PRPSAP1: variants seen among roughly 807,000 people sequenced by gnomAD.
PRPSAP1 encodes phosphoribosyl pyrophosphate synthetase associated protein 1, also known as phosphoribosyl pyrophosphate synthase-associated protein 1.
A neutral mutation model predicts 39.4 loss-of-function variants in PRPSAP1; 31 were observed. The observed-to-expected ratio is 0.79, with a 90% confidence interval of 0.59 to 1.06. The LOEUF (loss-of-function observed/expected upper bound fraction) is 1.06, where lower values mean the gene tolerates loss of function less well. Ranked by LOEUF, PRPSAP1 falls within the 50% of genes least tolerant of loss-of-function variation. The pLI, the probability that PRPSAP1 is intolerant of heterozygous loss-of-function variation, is 0.00. For synonymous variants in PRPSAP1, 212 were observed against 192.6 expected, an observed-to-expected ratio of 1.10 and a Z score of -0.83; for missense variants, 430 against 511.6, an observed-to-expected ratio of 0.84 and a Z score of 1.54.
rs115375268 is a variant in PRPSAP1 at position 76,313,471 on chromosome 17, C to T, written c.852+350G>A. ...GCAGAACGAGTCTGCACGGGGACAC[C>T]CATTCTTACTTGTGAAAACGGAACA... On this transcript the variant is annotated intron_variant, in intron 8 of 9. Coordinates refer to ENST00000446526, the MANE Select transcript of PRPSAP1 (RefSeq NM_002766.3). 3.3e-3 allele frequency: 979 copies of T among 296,036 alleles called. 9 individuals carry two copies. Among genetic ancestry groups the T allele is most frequent in the African/African-American group, 0.02 (914 of 46,524 alleles). The allele number at this position is 296,036 out of a possible 1,614,324, so 18.3% of individuals were successfully genotyped here.
At chr17:76,315,562 C>T (rs867036110) in intron 7 of PRPSAP1, among the ~76,000 whole-genome samples, 40 of 151,728 alleles carry the variant, frequency 2.6e-4, no homozygotes, top group African/African-American at 9.7e-4. Flanking sequence ...TGAATTTGGG[C>T]AAGACAAGAA....
intron 7 of PRPSAP1, among the ~76,000 whole-genome samples, chr17:76,320,297 A>AG (rs1379836447): frequency 0.28 from 33,464 of 117,512 alleles, 5,812 homozygotes; most frequent in African/African-American, 0.46. Context: ...AAAGAAAGAA[A>AG]GAAAAGAAAG....
chr17:76,348,581 C>T lies in PRPSAP1; in HGVS notation c.171G>A (p.Glu57=), dbSNP rs1391715199. ...ACTELAKRIT[E]RLGAELGKSV... is the part of the protein sequence containing the mutation. ...ACTTCCCCAATTCAGCACCAAGGCG[C>T]CTATAGATCAAAAAGAACAAAAAAG... The change falls in exon 2 of 10, where the codon GAG becomes GAA. Residue 57 remains glutamate (E), a splice_region_variant and synonymous_variant. Transcript: ENST00000446526. 1.3e-6 allele frequency: 2 copies of T among 1,529,620 alleles called. No homozygotes were observed. Among genetic ancestry groups the T allele is most frequent in the Non-Finnish European group, 1.7e-6 (2 of 1,150,496 alleles). The allele number at this position is 1,529,620 out of a possible 1,614,324, so 94.8% of individuals were successfully genotyped here. A position where few individuals can be genotyped will look rare whatever the true frequency, so the allele number is the denominator to read the frequency against.
intron 2 of PRPSAP1, chr17:76,345,814 C>T (rs1177494061): frequency 9.2e-5 from 33 of 356,820 alleles, no homozygotes; most frequent in Non-Finnish European, 1.0e-4. Flanking sequence ...CCAGTGCCTA[C>T]GTCCGGCTGC....
In PRPSAP1 at chr17:76,353,624, G is replaced by C. The variant is rs965558275; in HGVS notation, c.80C>G (p.Pro27Arg). The change falls in exon 1 of 10, where the codon CCG (proline) becomes CGG (arginine). Residue 27 changes from proline to arginine, a missense_variant. This residue lies in a region of PRPSAP1 where 152 missense variants were observed against 135.2 expected (regional missense o/e 1.12). Coordinates refer to ENST00000446526, the MANE Select transcript of PRPSAP1 (RefSeq NM_002766.3). ...GGTGCGAGCGGCGTTCATGGCCGGC[G>C]GGGGAACGGGGCGGGCGCGCGGGAC... ...FRVPRARPVP[P>R]PAMNAARTGY... 3 of 1,549,186 alleles carry C rather than the reference G, an allele frequency of 1.9e-6. No homozygotes were observed. The African/African-American group carries it at 4.2e-5, about 22-fold the overall frequency.
chr17:76,337,086 T>G (rs1379978658), intron 3 of PRPSAP1, among the ~76,000 whole-genome samples: 1 of 152,184 alleles, frequency 6.6e-6, no homozygotes, highest in Non-Finnish European at 1.5e-5. Flanking sequence ...CAACTACTTT[T>G]CTTTCTTTTT....
intron 2 of PRPSAP1, among the ~76,000 whole-genome samples, chr17:76,345,090 C>T (rs2071481801): frequency 6.6e-6 from 1 of 151,892 alleles, no homozygotes; most frequent in African/African-American, 2.4e-5. Context: ...AAAAAATTAG[C>T]CGGGCGTGGT....
rs74732518 is a variant in PRPSAP1 at position 76,331,528 on chromosome 17, G to A, written c.463+735C>T. On this transcript the variant is annotated intron_variant, in intron 4 of 9. Transcript: ENST00000446526. ...TTATATAGTGTTTATATGGTATTAGGTATTTATAAATAATCTACAGATGAC... is the reference window on the plus strand; with the variant it reads ...TTATATAGTGTTTATATGGTATTAGATATTTATAAATAATCTACAGATGAC... Among the ~76,000 whole-genome samples, 1,041 of 152,186 alleles carry A rather than the reference G, an allele frequency of 6.8e-3. 18 individuals are homozygous for A. The highest frequency in any genetic ancestry group is 0.024 in the African/African-American group (977 of 41,506).
chr17:76,352,064 A>G (rs2071580898), intron 1 of PRPSAP1, among the ~76,000 whole-genome samples: 1 of 151,816 alleles, frequency 6.6e-6, no homozygotes, highest in African/African-American at 2.4e-5. Context: ...AACTCCAACT[A>G]TTAAAAAAAA....
intron 8 of PRPSAP1, 28 bp from the exon 9 acceptor site, chr17:76,313,044 G>A (rs1318045811): frequency 1.2e-6 from 2 of 1,609,698 alleles, no homozygotes; most frequent in African/African-American, 2.7e-5. Context: ...TGAGTTGGTA[G>A]GAAAGAAACA....
rs764851379 is a variant in PRPSAP1 at position 76,330,609 on chromosome 17, C to A, written c.521G>T (p.Ser174Ile). ...GGCTCTAAGGTTGTCCACAGGAAAG[C>A]TGAAAAAGCCTTGTATTTCCTTTTG... Reference protein sequence around the residue: ...LHQKEIQGFFSFPVDNLRASP... With the variant: ...LHQKEIQGFFIFPVDNLRASP... The change falls in exon 5 of 10, where the codon AGC becomes ATC. Residue 174 changes from serine to isoleucine, a missense_variant. This residue lies in a region of PRPSAP1 where 278 missense variants were observed against 376.3 expected (regional missense o/e 0.74). Coordinates refer to ENST00000446526, the MANE Select transcript of PRPSAP1 (RefSeq NM_002766.3). The A allele has an allele frequency of 1.9e-6, 3 of 1,613,224 alleles. No individual in the cohort carries two copies. The highest frequency in any genetic ancestry group is 2.5e-6 in the Non-Finnish European group (3 of 1,179,500).
In PRPSAP1 at chr17:76,322,947, T is replaced by G. The variant is rs544572260; in HGVS notation, c.781+5770A>C. 1.4e-4 allele frequency among the ~76,000 whole-genome samples: 22 copies of G among 152,100 alleles called. No individual in the cohort carries two copies. In the South Asian group the frequency reaches 3.3e-3, roughly 23 times the overall value. On this transcript the variant is annotated intron_variant, in intron 7 of 9. Coordinates refer to ENST00000446526, the MANE Select transcript of PRPSAP1 (RefSeq NM_002766.3). Reference sequence around the variant, plus strand: ...TGGTAGAGGCTGCAGTGAGCAGTGATCGCACCACTGCACTGCAGGTCTGGG... The same window carrying G: ...TGGTAGAGGCTGCAGTGAGCAGTGAGCGCACCACTGCACTGCAGGTCTGGG...
intron 7 of PRPSAP1, among the ~76,000 whole-genome samples, chr17:76,327,008 T>C (rs1567801954): frequency 2.0e-5 from 3 of 152,132 alleles, no homozygotes; most frequent in Non-Finnish European, 2.9e-5. Context: ...ATCTGTACTA[T>C]TCTTTCAACT....
chr17:76,330,112 A>T lies in PRPSAP1; in HGVS notation c.580-14T>A. Reference sequence around the variant, plus strand: ...GTAATTTGGAATCTAGATTTGAAGGAAAAATAGAAAATACTGAAAAGTTAT... The same window carrying T: ...GTAATTTGGAATCTAGATTTGAAGGTAAAATAGAAAATACTGAAAAGTTAT... On this transcript the variant is annotated splice_polypyrimidine_tract_variant and intron_variant, in intron 5 of 9. Transcript: ENST00000446526. 4 of 1,604,962 alleles carry T rather than the reference A, an allele frequency of 2.5e-6. No homozygotes were observed. The highest frequency in any genetic ancestry group is 2.6e-6 in the Non-Finnish European group (3 of 1,171,814).
chr17:76,347,912 A>T (rs1429315155), intron 2 of PRPSAP1, among the ~76,000 whole-genome samples: 2 of 152,184 alleles, frequency 1.3e-5, no homozygotes, highest in Non-Finnish European at 2.9e-5. Context: ...AGGCAGGTAA[A>T]GGGGTAGAAT....
At chr17:76,328,669 A>C (rs1235889507) in intron 7 of PRPSAP1, 48 bp downstream of exon 7, 1 of 1,586,632 alleles carries the variant, frequency 6.3e-7, no homozygotes, top group East Asian at 2.2e-5. Context: ...AACAAAAAAA[A>C]ACTTTCTTCA....
chr17:76,312,123 A>G lies in PRPSAP1; in HGVS notation c.1000-423T>C, dbSNP rs145905519. On this transcript the variant is annotated intron_variant, in intron 9 of 9. Coordinates refer to ENST00000446526, the MANE Select transcript of PRPSAP1 (RefSeq NM_002766.3). Reference sequence around the variant, plus strand: ...GTTATGTCTGGATAAACGCATCATTATAAGTTGAAAATATTTTAAGTAGAA... The same window carrying G: ...GTTATGTCTGGATAAACGCATCATTGTAAGTTGAAAATATTTTAAGTAGAA... 5.0e-3 allele frequency among the ~76,000 whole-genome samples: 765 copies of G among 152,282 alleles called. 4 individuals carry two copies. Among genetic ancestry groups the G allele is most frequent in the African/African-American group, 0.017 (706 of 41,566 alleles).
At chr17:76,320,195 G>A (rs1434125523) in intron 7 of PRPSAP1, among the ~76,000 whole-genome samples, 1 of 151,688 alleles carries the variant, frequency 6.6e-6, no homozygotes, top group African/African-American at 2.4e-5. Flanking sequence ...ACTTGAAACT[G>A]GAAAGCAAAG....
rs550144312 is a variant in PRPSAP1 at position 76,349,955 on chromosome 17, G to A, written c.171-1374C>T. Among the ~76,000 whole-genome samples, 8 of 151,672 alleles carry A rather than the reference G, an allele frequency of 5.3e-5. No individual in the cohort carries two copies. In the East Asian group the frequency reaches 7.8e-4, roughly 15 times the overall value. On this transcript the variant is annotated intron_variant, in intron 1 of 9. Coordinates refer to ENST00000446526, the MANE Select transcript of PRPSAP1 (RefSeq NM_002766.3). ...ACAAAAATTAGCTGGGTGTGGTGGT[G>A]GGCACCTGTAATCCCAGTTACTTGG...
Sources: gnomAD v4.1 joint callset for allele counts (sites outside exome capture counted in the v4.1 genomes callset) on GRCh38, gnomAD v4.1.1 for gene constraint, gnomAD v4.1.1 regional missense constraint, MANE v1.5 for transcripts, NCBI Gene and HGNC (gene_info 2026-07-23, HGNC 2026-07-21) for gene names.